C5: variants seen among roughly 807,000 people sequenced by gnomAD.
The protein encoded by C5 is C3 and PZP-like alpha-2-macroglobulin domain-containing protein 4.
In C5, 140 loss-of-function variants were observed where a neutral mutation model predicts 218.8. The ratio of observed to expected loss-of-function variants is 0.64; its 90% CI spans 0.56 to 0.74. C5 has a LOEUF of 0.74. Ranked by LOEUF, C5 falls within the 30% of genes least tolerant of loss-of-function variation. C5 has a pLI of 0.00. For synonymous variants in C5, 614 were observed against 682.3 expected (o/e 0.90, Z 1.56); for missense variants, 1,700 against 1,969.6 (o/e 0.86, Z 2.59).
At chr9:121,005,817 G>T in intron 20 of C5, 102 bp downstream of exon 20, 1 of 1,159,112 alleles carries the variant, frequency 8.6e-7, no homozygotes, top group Non-Finnish European at 1.3e-6. Context: ...TTGCTGAACT[G>T]AGTTGAACTT....
chr9:121,045,951 C>T (rs987649857), intron 2 of C5, among the ~76,000 whole-genome samples: 1 of 151,972 alleles, frequency 6.6e-6, no homozygotes, highest in Non-Finnish European at 1.5e-5. Flanking sequence ...ATTTTATTTT[C>T]CAATAAGAAT....
At chr9:121,044,085 G>C (rs1346608089) in intron 2 of C5, among the ~76,000 whole-genome samples, 1 of 152,146 alleles carries the variant, frequency 6.6e-6, no homozygotes, top group Non-Finnish European at 1.5e-5. Context: ...CGAAATTATT[G>C]TAAAAGTTTG....
At chr9:121,068,159 A>C in the C5 span, among the ~76,000 whole-genome samples, 1 of 152,220 alleles carries the variant, frequency 6.6e-6, no homozygotes, top group Admixed American at 6.5e-5. Context: ...AAGAAATAAA[A>C]GACATCAAAA....
intron 30 of C5, among the ~76,000 whole-genome samples, chr9:120,972,638 G>A (rs1035951684): frequency 1.3e-5 from 2 of 152,170 alleles, no homozygotes; most frequent in Non-Finnish European, 2.9e-5. Flanking sequence ...CATAAACGGA[G>A]TTAAGTCATT....
intron 5 of C5, among the ~76,000 whole-genome samples, chr9:121,034,310 AT>A (rs1435669002): frequency 1.3e-5 from 2 of 152,188 alleles, no homozygotes; most frequent in Non-Finnish European, 2.9e-5. Flanking sequence ...GAATGTGTTC[AT>A]TGAATATTTA....
In C5 at chr9:120,980,248, C is replaced by A; in HGVS notation, c.3493G>T (p.Asp1165Tyr). ...TTGTCAGCTTTAATTAGAGCTGTGT[C>A]GATTTTCTGGAAACAAGAGAAGATA... is the stretch of plus-strand genomic sequence containing the variant. ...AFDICPLVKI[D>Y]TALIKADNFL... Residue 1165 changes from aspartate (D) to tyrosine (Y), a missense_variant, in exon 28 of 41, where the codon GAC becomes TAC. Transcript: ENST00000223642. 1 of 1,613,828 alleles carries A rather than the reference C, an allele frequency of 6.2e-7. No individual in the cohort carries two copies. The highest frequency in any genetic ancestry group is 1.1e-5 in the South Asian group (1 of 91,042).
rs551311967 is a variant in C5 at position 120,998,954 on chromosome 9, T to A, written c.2563-1180A>T. Among the ~76,000 whole-genome samples the A allele has an allele frequency of 1.2e-4, 19 of 152,320 alleles. No individual in the cohort carries two copies. In the East Asian group the frequency reaches 2.5e-3, roughly 20 times the overall value. On this transcript the variant is annotated intron_variant, in intron 20 of 40. Coordinates refer to ENST00000223642, the MANE Select transcript of C5 (RefSeq NM_001735.3). ...GAAAGTTCCTTTTCCTTCTTAACTATCTTCTTGGGAGACAACCACCAGGGT... is the reference window on the plus strand; with the variant it reads ...GAAAGTTCCTTTTCCTTCTTAACTAACTTCTTGGGAGACAACCACCAGGGT...
At chr9:120,978,408 G>C (rs1162641191) in intron 28 of C5, among the ~76,000 whole-genome samples, 1 of 152,118 alleles carries the variant, frequency 6.6e-6, no homozygotes, top group African/African-American at 2.4e-5. Context: ...GAAGAGTTGA[G>C]TTTAGGATTT....
At chr9:120,955,137 T>G (rs1290449056) in intron 39 of C5, among the ~76,000 whole-genome samples, 1 of 152,210 alleles carries the variant, frequency 6.6e-6, no homozygotes, top group East Asian at 1.9e-4. Flanking sequence ...AGTTTGCCCT[T>G]GATTCTAAAT....
Position 120,962,959 on chromosome 9 carries a change from T to C in C5, c.4332A>G (p.Glu1444=). The C allele has an allele frequency of 6.2e-7, 1 of 1,612,920 alleles. No individual in the cohort carries two copies. The highest frequency in any genetic ancestry group is 1.1e-5 in the South Asian group (1 of 91,054). Residue 1444 remains glutamate (E), a synonymous_variant, in exon 35 of 41, where the codon GAA becomes GAG. Transcript: ENST00000223642. ...AATCAGTGAATAGTTGATCCACCCCTTCCACAAGCTAAGGGGGAAAAGAGA... is the reference window on the plus strand; with the variant it reads ...AATCAGTGAATAGTTGATCCACCCCCTCCACAAGCTAAGGGGGAAAAGAGA... ...ANEEDLKALV[E]GVDQLFTDYQ...
chr9:120,986,968 A>G (rs1450157161), intron 25 of C5, among the ~76,000 whole-genome samples: 1 of 152,164 alleles, frequency 6.6e-6, no homozygotes, highest in African/African-American at 2.4e-5. Flanking sequence ...GGTATAATCT[A>G]TGGAACTTGG....
At chr9:120,988,250 C>A (rs1378340919) in intron 25 of C5, among the ~76,000 whole-genome samples, 2 of 152,212 alleles carry the variant, frequency 1.3e-5, no homozygotes, top group African/African-American at 4.8e-5. Context: ...ATACTTAGAA[C>A]TTCCCGCATG....
chr9:121,002,206 GTATATATACGTATATATA>G (rs1301516457), intron 20 of C5, among the ~76,000 whole-genome samples: 24 of 66,538 alleles, frequency 3.6e-4, no homozygotes, highest in South Asian at 1.4e-3. Context: ...ACGTATATAT[GTATATATACGTATATATA>G]TATATGTATA....
In C5 at chr9:121,017,363, C is replaced by G. The variant is rs530688966; in HGVS notation, c.1865G>C (p.Arg622Thr). Reference sequence around the variant, plus strand: ...GCAGCGAGACATGCATTACTTAACTCTTTCCAAGGGCTTTTTGGCTCCTCT... The same window carrying G: ...GCAGCGAGACATGCATTACTTAACTGTTTCCAAGGGCTTTTTGGCTCCTCT... ...VQRGAKKPLERVFQFLEKSDL... is the reference protein window; with the variant it reads ...VQRGAKKPLETVFQFLEKSDL... Residue 622 changes from arginine to threonine, a missense_variant and splice_region_variant, in exon 14 of 41, where the codon AGA becomes ACA. Physicochemically the swap from Arg to Thr is moderately conservative, Grantham distance 71 (BLOSUM62 -1). Coordinates refer to ENST00000223642, the MANE Select transcript of C5 (RefSeq NM_001735.3). 5 of 1,613,718 alleles carry G rather than the reference C, an allele frequency of 3.1e-6. No homozygotes were observed. The East Asian group carries it at 1.1e-4, about 36-fold the overall frequency.
chr9:121,042,929 T>C, intron 3 of C5, 75 bp downstream of exon 3: 1 of 1,189,996 alleles, frequency 8.4e-7, no homozygotes, highest in Admixed American at 1.8e-5. Context: ...CAATTTCAGG[T>C]ATTAAAAAGC....
intron 28 of C5, 22 bp downstream of exon 28, chr9:120,980,061 A>G: frequency 1.9e-6 from 3 of 1,610,422 alleles, no homozygotes; most frequent in African/African-American, 2.7e-5. Context: ...CTCACTGAAT[A>G]CATGTATGGA....
At chr9:120,953,952 G>A (rs903546751) in intron 39 of C5, 84 bp from the exon 40 acceptor site, 33 of 1,457,468 alleles carry the variant, frequency 2.3e-5, no homozygotes, top group Middle Eastern at 1.7e-4. Flanking sequence ...CTGGTTCCTC[G>A]TGGCTATTGA....
At position 121,025,417 on chromosome 9, in the gene C5, T is replaced by TACACACACAC. The variant is rs748041485; in HGVS notation, c.1000+36_1000+37insGTGTGTGTGT. The TACACACACAC allele has an allele frequency of 2.4e-3, 465 of 190,952 alleles. 1 individual carries two copies. The highest frequency in any genetic ancestry group is 0.021 in the South Asian group (88 of 4,104). The allele number at this position is 190,952 out of a possible 1,614,324, so 11.8% of individuals were successfully genotyped here. On this transcript the variant is annotated intron_variant, in intron 9 of 40. Coordinates refer to ENST00000223642, the MANE Select transcript of C5 (RefSeq NM_001735.3). Reference sequence around the variant, plus strand: ...TGTCTAAATATTTTTCAAAAGAAAGTATACACACACACACACACACACACA... The same window carrying TACACACACAC: ...TGTCTAAATATTTTTCAAAAGAAAGTACACACACACATACACACACACACACACACACACA...
At chr9:121,062,299 G>A in the C5 span, among the ~76,000 whole-genome samples, 2 of 152,166 alleles carry the variant, frequency 1.3e-5, no homozygotes, top group African/African-American at 2.4e-5. Flanking sequence ...TGAATGAGGA[G>A]GCAAGGAATT....
Sources: allele counts gnomAD v4.1 joint callset (sites outside exome capture counted in the v4.1 genomes callset), GRCh38; gene constraint gnomAD v4.1.1; transcripts MANE v1.5; gene names NCBI Gene and HGNC (gene_info 2026-07-23, HGNC 2026-07-21).